The following ABCB11 variants were observed in gnomAD, a reference collection of about 807,000 sequenced individuals.
ABCB11 encodes the protein bile salt export pump.
A neutral mutation model predicts 148.0 loss-of-function variants in ABCB11; 95 were observed. The observed-to-expected ratio is 0.64, with a 90% CI of 0.54 to 0.76. The LOEUF (loss-of-function observed/expected upper bound fraction) is 0.76. ABCB11 is among the 30% of genes least tolerant of loss of function. The probability of loss-of-function intolerance (pLI) is 0.00; values close to 1 mark genes in which losing one functional copy is unlikely to be tolerated. For synonymous variants in ABCB11, 591 were observed against 555.4 expected, an observed-to-expected ratio of 1.06 and a Z score of -0.90; for missense variants, 1,523 against 1,617.8, an observed-to-expected ratio of 0.94 and a Z score of 1.01.
In ABCB11 at chr2:169,024,384, AAAT is replaced by A. The variant is rs201925859; in HGVS notation, c.-27-6235_-27-6233del. ...AGAAAATAAAACACTTCATGACAGA[AAAT>A]AATTTTTTTCTTAACCCTGGTGAAT... is the stretch of plus-strand genomic sequence containing the variant. On this transcript the variant is annotated intron_variant, in intron 1 of 27. Transcript: ENST00000650372. 2.0e-5 allele frequency among the ~76,000 whole-genome samples: 3 copies of A among 152,282 alleles called. No homozygotes were observed. The East Asian group carries it at 5.8e-4, about 29-fold the overall frequency.
intron 1 of ABCB11, among the ~76,000 whole-genome samples, chr2:169,019,535 C>G (rs556814093): frequency 6.6e-6 from 1 of 152,248 alleles, no homozygotes; most frequent in African/African-American, 2.4e-5. Context: ...GCTTGCAGAA[C>G]TTGTGCATAG....
intron 12 of ABCB11, 63 bp from the exon 13 acceptor site, chr2:168,973,903 C>T: frequency 6.3e-7 from 1 of 1,577,864 alleles, no homozygotes; most frequent in South Asian, 1.1e-5. Flanking sequence ...AACAATTAGG[C>T]TACAGGTGCA....
At chr2:168,946,389 G>A (rs1029193276) in intron 19 of ABCB11, among the ~76,000 whole-genome samples, 3 of 151,602 alleles carry the variant, frequency 2.0e-5, no homozygotes, top group East Asian at 1.9e-4. Context: ...AAAGTAACCC[G>A]TTCAAATTAT....
At chr2:168,981,349 A>C (rs183400603) in intron 10 of ABCB11, among the ~76,000 whole-genome samples, 1 of 152,098 alleles carries the variant, frequency 6.6e-6, no homozygotes, top group African/African-American at 2.4e-5. Context: ...GACAAAAATT[A>C]TCTCTTCATT....
At chr2:169,003,245 ATAG>A (rs1694927532) in intron 5 of ABCB11, among the ~76,000 whole-genome samples, 1 of 151,934 alleles carries the variant, frequency 6.6e-6, no homozygotes. Flanking sequence ...ACTTAGAATA[ATAG>A]TCTCCAATTC....
intron 6 of ABCB11, 92 bp from the exon 7 acceptor site, chr2:168,995,574 T>G: frequency 1.5e-6 from 2 of 1,349,764 alleles, no homozygotes; most frequent in Non-Finnish European, 2.0e-6. Context: ...ATACAACAGT[T>G]GAGAAAAGGG....
chr2:168,952,421 T>C (rs1226681377), intron 19 of ABCB11, among the ~76,000 whole-genome samples: 3 of 151,638 alleles, frequency 2.0e-5, no homozygotes, highest in Non-Finnish European at 3.0e-5. Flanking sequence ...TATTAGTCTG[T>C]TCAGGTTTTC....
chr2:168,940,890 GA>G (rs1254788337), intron 21 of ABCB11, among the ~76,000 whole-genome samples: 1 of 152,042 alleles, frequency 6.6e-6, no homozygotes, highest in African/African-American at 2.4e-5. Context: ...TCTATAAATA[GA>G]ATAATAAAGG....
At chr2:168,991,856 G>C (rs1179206929) in intron 8 of ABCB11, among the ~76,000 whole-genome samples, 1 of 127,860 alleles carries the variant, frequency 7.8e-6, no homozygotes, top group Non-Finnish European at 1.6e-5. Context: ...TTTTTTTAAA[G>C]AGACGGGTTC....
At chr2:168,975,641 ATATG>A (rs71297458) in intron 12 of ABCB11, among the ~76,000 whole-genome samples, 1 of 29,340 alleles carries the variant, frequency 3.4e-5, no homozygotes, top group Admixed American at 2.4e-4. Flanking sequence ...ATTTACATAT[ATATG>A]TATTATATAT....
intron 19 of ABCB11, among the ~76,000 whole-genome samples, chr2:168,951,444 G>T (rs890301379): frequency 2.0e-5 from 3 of 151,140 alleles, no homozygotes; most frequent in African/African-American, 2.4e-5. Context: ...AGTGTTTTGT[G>T]GTCCTCCTTA....
At chr2:168,973,300 G>GTATATATA (rs3084001) in intron 13 of ABCB11, among the ~76,000 whole-genome samples, 321 of 151,534 alleles carry the variant, frequency 2.1e-3, no homozygotes, top group African/African-American at 7.2e-3. Flanking sequence ...AATTTAGATG[G>GTATATATA]TATATATATA....
intron 5 of ABCB11, among the ~76,000 whole-genome samples, chr2:169,010,314 C>G (rs1695142670): frequency 6.6e-6 from 1 of 151,978 alleles, no homozygotes; most frequent in South Asian, 2.1e-4. Flanking sequence ...ATTTTTTTAT[C>G]TATTATTCGA....
Position 168,923,480 on chromosome 2 carries a change from A to G in ABCB11, c.*142T>C, listed in dbSNP as rs1471665754. 8 of 747,554 alleles carry G rather than the reference A, an allele frequency of 1.1e-5. No individual in the cohort carries two copies. The Admixed American group carries it at 2.3e-4, about 22-fold the overall frequency. 46.3% of individuals were successfully genotyped at this position (747,554 alleles called of 1,614,324 possible). On this transcript the variant is annotated 3_prime_UTR_variant, in exon 28 of 28. Coordinates refer to ENST00000650372, the MANE Select transcript of ABCB11 (RefSeq NM_003742.4). Reference sequence around the variant, plus strand: ...AATTAGCTTGGATTCCGATGTAGGAAAATGACTGTAAAAGTAAAATATTAA... The same window carrying G: ...AATTAGCTTGGATTCCGATGTAGGAGAATGACTGTAAAAGTAAAATATTAA...
intron 17 of ABCB11, among the ~76,000 whole-genome samples, chr2:168,967,425 T>C (rs1369128832): frequency 2.0e-5 from 3 of 151,964 alleles, no homozygotes; most frequent in South Asian, 2.1e-4. Context: ...GAAGTATTTA[T>C]CTACATCTGA....
At chr2:168,968,850 T>A (rs1693436274) in intron 16 of ABCB11, among the ~76,000 whole-genome samples, 1 of 151,810 alleles carries the variant, frequency 6.6e-6, no homozygotes, top group Non-Finnish European at 1.5e-5. Flanking sequence ...AACCCTCCTA[T>A]GTTAAATGTA....
chr2:168,975,628 T>TAA (rs1693854384), intron 12 of ABCB11, among the ~76,000 whole-genome samples: 1 of 29,080 alleles, frequency 3.4e-5, no homozygotes, highest in Non-Finnish European at 7.9e-5. Context: ...TAGATAAATA[T>TAA]ATATTTACAT....
At position 168,936,341 on chromosome 2, in the gene ABCB11, G is replaced by C. The variant is rs1421685722; in HGVS notation, c.2703C>G (p.Ser901Arg). Residue 901 changes from serine to arginine, a missense_variant, in exon 22 of 28, where the codon AGC (serine) becomes AGG (arginine). Ser to Arg is a moderately radical substitution (Grantham distance 110, BLOSUM62 -1). Coordinates refer to ENST00000650372, the MANE Select transcript of ABCB11 (RefSeq NM_003742.4). ...IIAFSFSWKL[S>R]LVILCFFPFL... ...AGGGGAAGAAGCACAAGATGACCAG[G>C]CTCAGCTTCCAGCTAAAGGAGAAGG... 2 of 1,613,792 alleles carry C rather than the reference G, an allele frequency of 1.2e-6. No homozygotes were observed. Among genetic ancestry groups the C allele is most frequent in the East Asian group, 2.2e-5 (1 of 44,880 alleles).
At chr2:169,001,132 G>A (rs996461821) in intron 5 of ABCB11, among the ~76,000 whole-genome samples, 1 of 152,116 alleles carries the variant, frequency 6.6e-6, no homozygotes, top group African/African-American at 2.4e-5. Context: ...TCGTTAATAA[G>A]TGTCTTATCT....
Sources: allele counts gnomAD v4.1 joint callset (sites outside exome capture counted in the v4.1 genomes callset), GRCh38; gene constraint gnomAD v4.1.1; transcripts MANE v1.5; gene names NCBI Gene and HGNC (gene_info 2026-07-23, HGNC 2026-07-21).